The following PCDHA5 variants were observed in gnomAD, a reference collection of about 807,000 sequenced individuals.
The protein encoded by PCDHA5 is protocadherin alpha-5.
PCDHA5 carries 43 observed loss-of-function variants against 61.6 expected under a neutral mutation model. The ratio of observed to expected loss-of-function variants is 0.70; its 90% CI spans 0.55 to 0.90. The LOEUF is 0.90. Among genes scored for constraint, PCDHA5 ranks in the 40% least tolerant of loss-of-function variants. PCDHA5 has a pLI of 0.00. For missense variants in PCDHA5, 1,298 were observed against 1,222.7 expected (o/e 1.06, Z -0.92); for synonymous variants, 627 against 543.9 (o/e 1.15, Z -2.13).
Position 140,982,555 on chromosome 5 carries a change from C to T in PCDHA5, c.2492C>T (p.Ala831Val). The change falls in exon 3 of 4, where the codon GCA becomes GTA. Residue 831 changes from alanine (A) to valine (V), a missense_variant. Transcript: ENST00000529859. Reference sequence around the variant, plus strand: ...CAGCAGTGGCCAACAGTATCCAGTGCAACACCAGGTAAAGAGCTGGGGTCT... The same window carrying T: ...CAGCAGTGGCCAACAGTATCCAGTGTAACACCAGGTAAAGAGCTGGGGTCT... Reference protein sequence around the residue: ...PDQQWPTVSSATPEPEAGEVS... With the variant: ...PDQQWPTVSSVTPEPEAGEVS... The T allele has an allele frequency of 6.2e-7, 1 of 1,614,108 alleles. No homozygotes were observed. The highest frequency in any genetic ancestry group is 8.5e-7 in the Non-Finnish European group (1 of 1,179,990).
intron 1 of PCDHA5, chr5:140,858,229 G>A (rs1335853818): frequency 6.3e-7 from 1 of 1,596,360 alleles, no homozygotes. Context: ...CGCCCACCGA[G>A]GGCGCATGTG....
chr5:140,842,004 T>C, intron 1 of PCDHA5: 11 of 1,613,808 alleles, frequency 6.8e-6, no homozygotes, highest in Non-Finnish European at 8.5e-6. Flanking sequence ...ACTGTTCAGC[T>C]GCTGGTCACA....
chr5:140,843,027 G>A (rs2150350429), intron 1 of PCDHA5: 1 of 1,595,166 alleles, frequency 6.3e-7, no homozygotes, highest in South Asian at 1.1e-5. Flanking sequence ...CTGGAGCCTC[G>A]GGTGGGTGGC....
At chr5:140,842,748 C>T (rs149941021) in intron 1 of PCDHA5, 2 of 1,595,020 alleles carry the variant, frequency 1.3e-6, no homozygotes, top group East Asian at 2.2e-5. Flanking sequence ...CACATCTTCA[C>T]GGTGTCTGCG....
intron 3 of PCDHA5, among the ~76,000 whole-genome samples, chr5:141,005,774 G>A (rs2098239231): frequency 1.4e-5 from 2 of 144,252 alleles, no homozygotes; most frequent in Non-Finnish European, 3.0e-5. Flanking sequence ...AACCAGATGT[G>A]TAAAGATCCT....
intron 1 of PCDHA5, among the ~76,000 whole-genome samples, chr5:140,941,214 C>CCTTCCTTTCTTT (rs1554214040): frequency 1.6e-5 from 2 of 122,412 alleles, no homozygotes; most frequent in Non-Finnish European, 3.4e-5. Flanking sequence ...TTTCTTTCTT[C>CCTTCCTTTCTTT]CTTTCTTTCT....
intron 1 of PCDHA5, among the ~76,000 whole-genome samples, chr5:140,941,561 C>T (rs782382112): frequency 2.1e-4 from 32 of 151,880 alleles, no homozygotes; most frequent in Middle Eastern, 3.2e-3. Context: ...GTGATCCATT[C>T]GCCTCAGCCT....
At chr5:140,999,321 A>G (rs1043394227) in intron 3 of PCDHA5, among the ~76,000 whole-genome samples, 32 of 152,198 alleles carry the variant, frequency 2.1e-4, no homozygotes, top group Non-Finnish European at 3.2e-4. Context: ...ACAGACATTG[A>G]TCTGTGTGAT....
chr5:140,864,821 G>A (rs575763318), intron 1 of PCDHA5: 20 of 152,124 alleles, frequency 1.3e-4, no homozygotes, highest in Middle Eastern at 3.4e-3. Flanking sequence ...CACTTATTTG[G>A]GCTTTAAGTA....
At chr5:140,856,282 G>T (rs1554148485) in intron 1 of PCDHA5, 1 of 1,598,456 alleles carries the variant, frequency 6.3e-7, no homozygotes, top group African/African-American at 1.3e-5. Context: ...AGGTAAATCT[G>T]CAGAATGGCA....
intron 3 of PCDHA5, among the ~76,000 whole-genome samples, chr5:141,007,395 C>CAAAAAAAAAAAA (rs35800918): frequency 6.3e-5 from 6 of 94,866 alleles, no homozygotes; most frequent in Admixed American, 1.2e-4. Flanking sequence ...TACTAAAATA[C>CAAAAAAAAAAAA]AAAAAAAAAA....
intron 1 of PCDHA5, among the ~76,000 whole-genome samples, chr5:140,910,787 T>G (rs566298433): frequency 2.0e-5 from 3 of 152,196 alleles, no homozygotes; most frequent in Non-Finnish European, 4.4e-5. Flanking sequence ...CAACATTAAA[T>G]GCAGAATCCC....
At chr5:140,877,332 C>T (rs2057040352) in intron 1 of PCDHA5, 1 of 1,613,990 alleles carries the variant, frequency 6.2e-7, no homozygotes. Context: ...GCGCGCACAT[C>T]CCGTTCCACG....
In PCDHA5 at chr5:140,850,584, A is replaced by G. The variant is rs1484372356; in HGVS notation, c.2352+26457A>G. On this transcript the variant is annotated intron_variant, in intron 1 of 3. Transcript: ENST00000529859. Reference sequence around the variant, plus strand: ...CCCCGAGGTGACGCTGGTGGATGTCAACGTGTACCTGATCATCGCCATCTG... The same window carrying G: ...CCCCGAGGTGACGCTGGTGGATGTCGACGTGTACCTGATCATCGCCATCTG... The G allele has an allele frequency of 2.5e-6, 4 of 1,598,362 alleles. 1 individual carries two copies. The highest frequency in any genetic ancestry group is 3.4e-6 in the Non-Finnish European group (4 of 1,167,826).
At chr5:140,937,020 G>A (rs2091265832) in intron 1 of PCDHA5, among the ~76,000 whole-genome samples, 1 of 151,388 alleles carries the variant, frequency 6.6e-6, no homozygotes. Flanking sequence ...CGATTAACAA[G>A]GTATATTCTT....
chr5:140,830,115 C>T lies in PCDHA5; in HGVS notation c.2352+5988C>T, dbSNP rs2150181340. 2.2e-5 allele frequency: 35 copies of T among 1,613,546 alleles called. No individual in the cohort carries two copies. In the East Asian group the frequency reaches 7.1e-4, roughly 33 times the overall value. On this transcript the variant is annotated intron_variant, in intron 1 of 3. Transcript: ENST00000529859. Reference sequence around the variant, plus strand: ...GTGTCGCTGGTGGAGAGTGGCCAGGCTCCAAAGGCGTCATCACGGGCGTCG... The same window carrying T: ...GTGTCGCTGGTGGAGAGTGGCCAGGTTCCAAAGGCGTCATCACGGGCGTCG...
intron 1 of PCDHA5, chr5:140,967,773 A>C (rs1285230643): frequency 1.9e-6 from 3 of 1,614,108 alleles, no homozygotes; most frequent in Non-Finnish European, 1.7e-6. Context: ...ATCTATGTGC[A>C]GGCGACTGAC....
At chr5:140,869,233 T>C in intron 1 of PCDHA5, 1 of 1,613,700 alleles carries the variant, frequency 6.2e-7, no homozygotes, top group Non-Finnish European at 8.5e-7. Context: ...ACACGGCACC[T>C]TCGTGGGCCG....
At chr5:140,958,995 T>G (rs868959473) in intron 1 of PCDHA5, among the ~76,000 whole-genome samples, 1 of 152,148 alleles carries the variant, frequency 6.6e-6, no homozygotes, top group African/African-American at 2.4e-5. Flanking sequence ...TGCTAATCTT[T>G]TACTGTACCT....
Sources: gnomAD v4.1 joint callset for allele counts (sites outside exome capture counted in the v4.1 genomes callset) on GRCh38, gnomAD v4.1.1 for gene constraint, MANE v1.5 for transcripts, NCBI Gene and HGNC (gene_info 2026-07-23, HGNC 2026-07-21) for gene names.